MAP7: variants seen among roughly 807,000 people sequenced by gnomAD.
MAP7 encodes microtubule associated protein 7.
In MAP7, 52 loss-of-function variants were observed where a neutral mutation model predicts 94.8. The ratio of observed to expected loss-of-function variants is 0.55; its 90% CI spans 0.44 to 0.69. The LOEUF (loss-of-function observed/expected upper bound fraction) is 0.69. Among genes scored for constraint, MAP7 ranks in the 30% least tolerant of loss-of-function variants. The pLI, the probability that MAP7 is intolerant of heterozygous loss-of-function variation, is 0.00. For synonymous variants in MAP7, 350 were observed against 357.0 expected, an observed-to-expected ratio of 0.98 and a Z score of 0.22; for missense variants, 940 against 964.6, an observed-to-expected ratio of 0.97 and a Z score of 0.34.
At chr6:136,380,750 G>A (rs750155614) in intron 6 of MAP7, among the ~76,000 whole-genome samples, 1 of 152,136 alleles carries the variant, frequency 6.6e-6, no homozygotes, top group Non-Finnish European at 1.5e-5. Context: ...AATCTTATCA[G>A]TCCATGTAAC....
chr6:136,491,537 G>A (rs767648451), intron 1 of MAP7, among the ~76,000 whole-genome samples: 1 of 152,206 alleles, frequency 6.6e-6, no homozygotes, highest in African/African-American at 2.4e-5. Context: ...CACAGCAGCA[G>A]AGATGAAGAA....
At chr6:136,451,544 T>C (rs1424535031) in intron 1 of MAP7, among the ~76,000 whole-genome samples, 1 of 152,188 alleles carries the variant, frequency 6.6e-6, no homozygotes, top group Non-Finnish European at 1.5e-5. Context: ...TATCACAACA[T>C]CCCATCCTGC....
At chr6:136,511,762 T>C (rs959961962) in intron 1 of MAP7, among the ~76,000 whole-genome samples, 3 of 152,242 alleles carry the variant, frequency 2.0e-5, no homozygotes, top group Non-Finnish European at 4.4e-5. Context: ...AAGTTCTCCC[T>C]GGCTTACACT....
intron 1 of MAP7, among the ~76,000 whole-genome samples, chr6:136,507,475 C>CAAAAA (rs10711278): frequency 3.4e-5 from 3 of 87,252 alleles, no homozygotes; most frequent in African/African-American, 3.6e-5. Flanking sequence ...AGAAGATTCT[C>CAAAAA]AAAAAAAAAA....
At chr6:136,526,008 A>G (rs1562488378) in intron 1 of MAP7, 1 of 1,485,618 alleles carries the variant, frequency 6.7e-7, no homozygotes, top group Admixed American at 2.6e-5. Flanking sequence ...TGATTATATT[A>G]AAAATATATG....
rs1414865379 is a variant in MAP7 at position 136,365,774 on chromosome 6, C to T, written c.1234G>A (p.Val412Ile). 1 of 1,614,168 alleles carries T rather than the reference C, an allele frequency of 6.2e-7. No homozygotes were observed. Among genetic ancestry groups the T allele is most frequent in the South Asian group, 1.1e-5 (1 of 91,084 alleles). ...GGTTCAGCAGGTGTCCGCTCTTCAA[C>T]TGTGGCTTCTTCTACCTTCACTAAA... is the stretch of plus-strand genomic sequence containing the variant. ...APLVKVEEAT[V>I]EERTPAEPEV... The change falls in exon 10 of 18, where the codon GTT becomes ATT. Residue 412 changes from valine (V) to isoleucine (I), a missense_variant. By Grantham distance (29) the Val-to-Ile change is conservative. Transcript: ENST00000354570.
chr6:136,382,583 A>T (rs1001004653), intron 6 of MAP7, among the ~76,000 whole-genome samples: 3 of 152,328 alleles, frequency 2.0e-5, no homozygotes, highest in Admixed American at 2.0e-4. Context: ...ATTAGGTTAA[A>T]AAAACAAAAG....
intron 8 of MAP7, among the ~76,000 whole-genome samples, chr6:136,371,668 C>T (rs1327573982): frequency 6.6e-6 from 1 of 152,164 alleles, no homozygotes; most frequent in Non-Finnish European, 1.5e-5. Context: ...ATACTGTTAT[C>T]CTGGAGAGAG....
chr6:136,523,978 C>G (rs186677915), intron 1 of MAP7, among the ~76,000 whole-genome samples: 1 of 152,116 alleles, frequency 6.6e-6, no homozygotes, highest in African/African-American at 2.4e-5. Context: ...CAGTGACTCA[C>G]GTCTGTAATC....
At chr6:136,521,151 T>G (rs1185897007) in intron 1 of MAP7, among the ~76,000 whole-genome samples, 1 of 152,180 alleles carries the variant, frequency 6.6e-6, no homozygotes, top group Non-Finnish European at 1.5e-5. Context: ...TGTCTTCCAA[T>G]TTTTCAAGGG....
chr6:136,367,001 C>T (rs2128588206), intron 8 of MAP7, among the ~76,000 whole-genome samples: 1 of 152,138 alleles, frequency 6.6e-6, no homozygotes, highest in East Asian at 1.9e-4. Context: ...CAATAGATAA[C>T]TGATACAATA....
At chr6:136,495,620 G>A (rs566965683) in intron 1 of MAP7, among the ~76,000 whole-genome samples, 14 of 152,132 alleles carry the variant, frequency 9.2e-5, no homozygotes, top group African/African-American at 2.2e-4. Context: ...TTCAGATTAG[G>A]GTTACTCAAC....
intron 8 of MAP7, 82 bp downstream of exon 8, chr6:136,372,419 C>A (rs1279317913): frequency 7.8e-6 from 12 of 1,534,286 alleles, no homozygotes; most frequent in Non-Finnish European, 1.1e-5. Context: ...TACGCCCACA[C>A]CACAGCTCAG....
intron 8 of MAP7, among the ~76,000 whole-genome samples, chr6:136,367,817 A>G (rs1582694101): frequency 6.6e-6 from 1 of 152,148 alleles, no homozygotes; most frequent in African/African-American, 2.4e-5. Flanking sequence ...TGGCTGGTGT[A>G]CAGGGTGGCA....
rs538747963 is a variant in MAP7, at chr6:136,411,074, C to G, written c.244+546G>C. Among the ~76,000 whole-genome samples the G allele has an allele frequency of 2.6e-5, 4 of 152,324 alleles. No homozygotes were observed. The South Asian group carries it at 8.3e-4, about 32-fold the overall frequency. The stretch of plus-strand genomic sequence containing the variant: ...AATGACTGTACAATCTCTAAGTGCT[C>G]TAGTCTCAGCTTCTGCTAAGATAGT... On this transcript the variant is annotated intron_variant, in intron 3 of 17. Coordinates refer to ENST00000354570, the MANE Select transcript of MAP7 (RefSeq NM_003980.6).
chr6:136,438,833 C>G (rs1797072040), intron 1 of MAP7, among the ~76,000 whole-genome samples: 1 of 152,070 alleles, frequency 6.6e-6, no homozygotes, highest in Admixed American at 6.5e-5. Context: ...TCTTTCTCAC[C>G]TCCCTTCCCC....
intron 1 of MAP7, among the ~76,000 whole-genome samples, chr6:136,468,488 A>T (rs1807881840): frequency 1.3e-5 from 2 of 152,208 alleles, no homozygotes; most frequent in South Asian, 4.1e-4. Flanking sequence ...TGATAAGCCC[A>T]TTATAAGTTA....
intron 1 of MAP7, among the ~76,000 whole-genome samples, chr6:136,527,248 C>T (rs1377904076): frequency 1.3e-5 from 2 of 152,136 alleles, no homozygotes; most frequent in Non-Finnish European, 2.9e-5. Flanking sequence ...TAAGACTCTC[C>T]ACTTCTAGAC....
rs1055830038 is a variant in MAP7, at chr6:136,439,254, C to T, written c.68-17455G>A. Among the ~76,000 whole-genome samples the T allele has an allele frequency of 3.3e-5, 5 of 152,074 alleles. No individual in the cohort carries two copies. The South Asian group carries it at 1.0e-3, about 32-fold the overall frequency. ...GATTAGTACCCTTATAAAAAGGGCT[C>T]AAGGGTACTAGCTAAGCCCCTTTCT... On this transcript the variant is annotated intron_variant, in intron 1 of 17. Transcript: ENST00000354570.
Sources: allele counts gnomAD v4.1 joint callset (sites outside exome capture counted in the v4.1 genomes callset), GRCh38; gene constraint gnomAD v4.1.1; transcripts MANE v1.5; gene names NCBI Gene and HGNC (gene_info 2026-07-23, HGNC 2026-07-21).